GSTA2: variants seen among roughly 807,000 people sequenced by gnomAD.
GSTA2 encodes glutathione S-transferase A2.
GSTA2 carries 27 observed loss-of-function variants against 22.4 expected under a neutral mutation model. The ratio of observed to expected loss-of-function variants is 1.21; its 90% CI spans 0.89 to 1.67. GSTA2 has a LOEUF of 1.67. Among genes scored for constraint, GSTA2 ranks in the 40% most tolerant of loss-of-function variants. The probability of loss-of-function intolerance (pLI) is 0.00; values close to 1 mark genes in which losing one functional copy is unlikely to be tolerated. For synonymous variants in GSTA2, 121 were observed against 86.8 expected (o/e 1.39, Z -2.19); for missense variants, 302 against 260.2 (o/e 1.16, Z -1.11).
In GSTA2 at chr6:52,752,960, C is replaced by T. The variant is rs1377677834; in HGVS notation, c.308G>A (p.Gly103Asp). 10 of 1,613,434 alleles carry T rather than the reference C, an allele frequency of 6.2e-6. No homozygotes were observed. Among genetic ancestry groups the T allele is most frequent in the Admixed American group, 1.7e-5 (1 of 59,966 alleles). Residue 103 changes from glycine to aspartate, a missense_variant, in exon 5 of 7, where the codon GGT (glycine) becomes GAT (aspartate). By Grantham distance (94) the Gly-to-Asp change is moderately conservative. Coordinates refer to ENST00000493422, the MANE Select transcript of GSTA2 (RefSeq NM_000846.5). ...DMYIEGIADL[G>D]EMILLLPFSQ... is the part of the protein sequence containing the mutation. ...AAAGGGCAGAAGAAGGATCATTTCACCCAAATCTGCTATACCTTCTATATA... is the reference window on the plus strand; with the variant it reads ...AAAGGGCAGAAGAAGGATCATTTCATCCAAATCTGCTATACCTTCTATATA...
chr6:52,762,100 G>C (rs1214963779), intron 1 of GSTA2, among the ~76,000 whole-genome samples: 1 of 152,020 alleles, frequency 6.6e-6, no homozygotes, highest in Non-Finnish European at 1.5e-5. Context: ...GTAATGTCAA[G>C]TACCCAGGGA....
chr6:52,758,468 A>G (rs1305575665), intron 1 of GSTA2, among the ~76,000 whole-genome samples: 1 of 152,168 alleles, frequency 6.6e-6, no homozygotes, highest in African/African-American at 2.4e-5. Flanking sequence ...GGACATGAAT[A>G]TCTACACCAA....
At chr6:52,754,215 A>C (rs1034617348) in intron 4 of GSTA2, among the ~76,000 whole-genome samples, 2 of 152,100 alleles carry the variant, frequency 1.3e-5, no homozygotes, top group Admixed American at 1.3e-4. Context: ...GTGTGGATGT[A>C]TTTTCGATTG....
intron 1 of GSTA2, among the ~76,000 whole-genome samples, chr6:52,759,637 T>A (rs1317694175): frequency 1.6e-5 from 2 of 126,718 alleles, no homozygotes; most frequent in Non-Finnish European, 3.2e-5. Flanking sequence ...CAGGCTGCAG[T>A]GCAATGGCGC....
chr6:52,755,543 CT>C (rs1432537691), intron 3 of GSTA2, among the ~76,000 whole-genome samples: 1 of 152,088 alleles, frequency 6.6e-6, no homozygotes, highest in Non-Finnish European at 1.5e-5. Flanking sequence ...TCCTGTAGTT[CT>C]TCTTTTTCTT....
chr6:52,755,106 A>G (rs1337304073), intron 3 of GSTA2, 31 bp from the exon 4 acceptor site: 1 of 1,613,602 alleles, frequency 6.2e-7, no homozygotes, highest in Non-Finnish European at 8.5e-7. Flanking sequence ...AGGAGAGTGA[A>G]GTGTCTATGA....
intron 4 of GSTA2, among the ~76,000 whole-genome samples, chr6:52,753,467 T>G (rs547430002): frequency 7.2e-4 from 110 of 152,288 alleles, no homozygotes; most frequent in African/African-American, 2.6e-3. Flanking sequence ...TTCCTTGTCC[T>G]CTCTCATCAT....
intron 1 of GSTA2, among the ~76,000 whole-genome samples, chr6:52,760,051 A>T (rs1762927934): frequency 6.6e-6 from 1 of 152,226 alleles, no homozygotes. Context: ...AGATATTTTG[A>T]CATTGTACTT....
At chr6:52,759,065 C>G (rs1366843877) in intron 1 of GSTA2, among the ~76,000 whole-genome samples, 1 of 152,070 alleles carries the variant, frequency 6.6e-6, no homozygotes, top group Non-Finnish European at 1.5e-5. Context: ...AATCTCTCAG[C>G]AGATTGTGAA....
chr6:52,757,832 G>A (rs778973127), intron 2 of GSTA2, 29 bp downstream of exon 2: 16 of 1,576,696 alleles, frequency 1.0e-5, no homozygotes, highest in African/African-American at 6.7e-5. Flanking sequence ...TCGTAAATCT[G>A]ACTTAAGATG....
At chr6:52,759,556 T>G (rs1403104092) in intron 1 of GSTA2, among the ~76,000 whole-genome samples, 3 of 102,304 alleles carry the variant, frequency 2.9e-5, no homozygotes, top group Non-Finnish European at 5.9e-5. Flanking sequence ...AACTAATGTA[T>G]TTATTTGTTT....
chr6:52,750,574 T>C lies in GSTA2; in HGVS notation c.*3A>G, dbSNP rs1271602286. 1.9e-6 allele frequency: 3 copies of C among 1,613,680 alleles called. No homozygotes were observed. Among genetic ancestry groups the C allele is most frequent in the Admixed American group, 3.3e-5 (2 of 59,996 alleles). Reference sequence around the variant, plus strand: ...CATGTTCTTGACCTCTATGGCTGGTTTATTAAAACCTGAAAATCTTCCTTG... The same window carrying C: ...CATGTTCTTGACCTCTATGGCTGGTCTATTAAAACCTGAAAATCTTCCTTG... On this transcript the variant is annotated 3_prime_UTR_variant, in exon 7 of 7. Transcript: ENST00000493422.
At position 52,750,584 on chromosome 6, in the gene GSTA2, C is replaced by T; in HGVS notation, c.662G>A (p.Arg221Lys). The part of the protein sequence containing the change: ...KSLEESRKIF[R>K]F ...ACCTCTATGGCTGGTTTATTAAAACCTGAAAATCTTCCTTGATTCTTCTAA... is the reference window on the plus strand; with the variant it reads ...ACCTCTATGGCTGGTTTATTAAAACTTGAAAATCTTCCTTGATTCTTCTAA... Residue 221 changes from arginine to lysine, a missense_variant, in exon 7 of 7, where the codon AGG becomes AAG. Transcript: ENST00000493422. 6.2e-7 allele frequency: 1 copy of T among 1,613,868 alleles called. No homozygotes were observed. The highest frequency in any genetic ancestry group is 8.5e-7 in the Non-Finnish European group (1 of 1,179,858).
At chr6:52,760,996 G>A (rs2608629) in intron 1 of GSTA2, among the ~76,000 whole-genome samples, 111,046 of 152,060 alleles carry the variant, frequency 0.73, 41,470 homozygotes, top group African/African-American at 0.88. Flanking sequence ...GGTTGTCCCA[G>A]TGACACTGTT....
At chr6:52,759,893 G>A (rs55748023) in intron 1 of GSTA2, among the ~76,000 whole-genome samples, 1 of 151,910 alleles carries the variant, frequency 6.6e-6, no homozygotes, top group Non-Finnish European at 1.5e-5. Flanking sequence ...CTCAACTAAT[G>A]TATTTCTAAA....
In GSTA2 at chr6:52,757,975, A is replaced by G. The variant is rs1388475219; in HGVS notation, c.-28T>C. 9.5e-6 allele frequency: 14 copies of G among 1,478,404 alleles called. No individual in the cohort carries two copies. Among genetic ancestry groups the G allele is most frequent in the Non-Finnish European group, 1.3e-5 (14 of 1,059,818 alleles). The allele number at this position is 1,478,404 out of a possible 1,614,324, so 91.6% of individuals were successfully genotyped here. ...TAGCAGTCTCCTGGAGGTTTCTCTA[A>G]GCCTGAGTGAATGAATGAATGAATG... On this transcript the variant is annotated splice_region_variant and 5_prime_UTR_variant, in exon 2 of 7. Coordinates refer to ENST00000493422, the MANE Select transcript of GSTA2 (RefSeq NM_000846.5).
At chr6:52,750,749 C>T in intron 6 of GSTA2, 50 bp from the exon 7 acceptor site, 1 of 1,603,450 alleles carries the variant, frequency 6.2e-7, no homozygotes. Flanking sequence ...CAAGGGCTGA[C>T]ACCCCCATTA....
chr6:52,757,721 G>A (rs1321446765), intron 2 of GSTA2, 140 bp downstream of exon 2: 4 of 744,834 alleles, frequency 5.4e-6, no homozygotes, highest in Non-Finnish European at 9.2e-6. Flanking sequence ...GGTCAAATCT[G>A]TTCATCTTTT....
intron 5 of GSTA2, among the ~76,000 whole-genome samples, chr6:52,752,272 T>C (rs904043515): frequency 6.6e-6 from 1 of 152,230 alleles, no homozygotes; most frequent in Admixed American, 6.5e-5. Context: ...CTCTGGTTCC[T>C]AAATGGCACT....
Sources: allele counts gnomAD v4.1 joint callset (sites outside exome capture counted in the v4.1 genomes callset), GRCh38; gene constraint gnomAD v4.1.1; transcripts MANE v1.5; gene names NCBI Gene and HGNC (gene_info 2026-07-23, HGNC 2026-07-21).